DNAJC15: variants seen among roughly 807,000 people sequenced by gnomAD.
The protein encoded by DNAJC15 is DnaJ heat shock protein family (Hsp40) member C15.
Under a neutral mutation model 22.4 loss-of-function variants are expected in DNAJC15, and 27 were observed. That is an observed-to-expected ratio of 1.20 (90% CI 0.89 to 1.66). DNAJC15 has a LOEUF of 1.66. Among genes scored for constraint, DNAJC15 ranks in the 40% most tolerant of loss-of-function variants. DNAJC15 has a pLI of 0.00. For synonymous variants in DNAJC15, 79 were observed against 63.2 expected (o/e 1.25, Z -1.19); for missense variants, 208 against 187.1 (o/e 1.11, Z -0.65).
At chr13:43,062,506 T>C (rs185820389) in intron 1 of DNAJC15, among the ~76,000 whole-genome samples, 3 of 152,288 alleles carry the variant, frequency 2.0e-5, no homozygotes, top group Admixed American at 2.0e-4. Context: ...AACAGAGTGC[T>C]CAATACTTAT....
chr13:43,078,721 G>A, intron 4 of DNAJC15, 33 bp downstream of exon 4: 1 of 1,590,498 alleles, frequency 6.3e-7, no homozygotes. Flanking sequence ...GTTTTGTTGT[G>A]TGGCCAAGCT....
At chr13:43,056,997 T>C (rs970943749) in intron 1 of DNAJC15, among the ~76,000 whole-genome samples, 4 of 152,198 alleles carry the variant, frequency 2.6e-5, no homozygotes, top group South Asian at 2.1e-4. Context: ...TCTGATAGGT[T>C]TTCCTTTATA....
In DNAJC15 at chr13:43,107,556, C is replaced by CACAT; in HGVS notation, c.*308_*309insACAT. ...ACACACACACACACACACACACACA[C>CACAT]GTGCAAAAAATATGATCAAGAATGC... On this transcript the variant is annotated 3_prime_UTR_variant, in exon 6 of 6. Transcript: ENST00000379221. 1 of 171,454 alleles carries CACAT rather than the reference C, an allele frequency of 5.8e-6. No individual in the cohort carries two copies. Among genetic ancestry groups the CACAT allele is most frequent in the African/African-American group, 2.4e-5 (1 of 40,862 alleles). The allele number at this position is 171,454 out of a possible 1,614,324, so 10.6% of individuals were successfully genotyped here.
At chr13:43,076,026 A>C (rs889120987) in intron 3 of DNAJC15, among the ~76,000 whole-genome samples, 1 of 152,068 alleles carries the variant, frequency 6.6e-6, no homozygotes, top group African/African-American at 2.4e-5. Context: ...ATATATGTGC[A>C]TACTCTCTAT....
At chr13:43,047,524 C>T (rs979732296) in intron 1 of DNAJC15, among the ~76,000 whole-genome samples, 32 of 152,050 alleles carry the variant, frequency 2.1e-4, no homozygotes, top group Admixed American at 4.6e-4. Context: ...ATGTCTGTGA[C>T]GTTCACATAG....
intron 3 of DNAJC15, among the ~76,000 whole-genome samples, chr13:43,073,035 T>G (rs749484509): frequency 4.6e-5 from 7 of 152,250 alleles, no homozygotes; most frequent in Non-Finnish European, 7.3e-5. Flanking sequence ...TCAGTTGTTA[T>G]GTGTTCATAT....
intron 1 of DNAJC15, among the ~76,000 whole-genome samples, chr13:43,025,685 A>C (rs1287554146): frequency 2.0e-5 from 3 of 152,226 alleles, no homozygotes; most frequent in Non-Finnish European, 4.4e-5. Flanking sequence ...TGGGTGGATC[A>C]CTTGAGTCAG....
At chr13:43,082,755 A>C (rs986368679) in intron 4 of DNAJC15, among the ~76,000 whole-genome samples, 1 of 152,148 alleles carries the variant, frequency 6.6e-6, no homozygotes, top group Non-Finnish European at 1.5e-5. Context: ...ATTTTGTATT[A>C]TGTGCTCAAC....
At chr13:43,058,229 A>G (rs928197665) in intron 1 of DNAJC15, among the ~76,000 whole-genome samples, 1 of 152,180 alleles carries the variant, frequency 6.6e-6, no homozygotes, top group Non-Finnish European at 1.5e-5. Flanking sequence ...CAGGAGGTAG[A>G]GCTTTCAAGA....
intron 1 of DNAJC15, among the ~76,000 whole-genome samples, chr13:43,043,309 T>C (rs529047510): frequency 2.8e-4 from 42 of 152,188 alleles, no homozygotes; most frequent in African/African-American, 1.0e-3. Flanking sequence ...GGTTTCACCA[T>C]GTTGGCCAGA....
intron 1 of DNAJC15, among the ~76,000 whole-genome samples, chr13:43,063,034 A>G (rs1392311249): frequency 6.6e-6 from 1 of 151,494 alleles, no homozygotes; most frequent in Non-Finnish European, 1.5e-5. Context: ...TTTTTGAGAG[A>G]GTCTCTCATC....
intron 1 of DNAJC15, among the ~76,000 whole-genome samples, chr13:43,061,937 CAT>C (rs894951863): frequency 7.2e-4 from 110 of 152,346 alleles, no homozygotes; most frequent in African/African-American, 2.5e-3. Context: ...ATGTAGGACT[CAT>C]ATGATATAGA....
intron 1 of DNAJC15, among the ~76,000 whole-genome samples, chr13:43,045,794 A>G (rs886160064): frequency 6.6e-6 from 1 of 152,218 alleles, no homozygotes; most frequent in Non-Finnish European, 1.5e-5. Context: ...CACTCTCACC[A>G]TACAAACACA....
At chr13:43,071,744 A>C (rs546846311) in intron 3 of DNAJC15, among the ~76,000 whole-genome samples, 27 of 152,294 alleles carry the variant, frequency 1.8e-4, no homozygotes, top group African/African-American at 6.5e-4. Flanking sequence ...AAGATTGTCC[A>C]AGGCTCAAGT....
chr13:43,073,051 CT>C (rs1593322373), intron 3 of DNAJC15, among the ~76,000 whole-genome samples: 1 of 152,106 alleles, frequency 6.6e-6, no homozygotes, highest in African/African-American at 2.4e-5. Context: ...CATATTGGTT[CT>C]TTTTTTCCCC....
At position 43,108,842 on chromosome 13, in the gene DNAJC15, A is replaced by C. The variant is rs568028564; in HGVS notation, c.*1594A>C. The stretch of plus-strand genomic sequence containing the variant: ...TATTTTTTCTTTTGGTTTATAAAAT[A>C]ATGATCCTGAATTAAATTGATGGAA... On this transcript the variant is annotated 3_prime_UTR_variant, in exon 6 of 6. Transcript: ENST00000379221. 5.3e-5 allele frequency: 8 copies of C among 152,326 alleles called. No individual in the cohort carries two copies. Among genetic ancestry groups the C allele is most frequent in the African/African-American group, 1.9e-4 (8 of 41,568 alleles). The allele number at this position is 152,326 out of a possible 1,614,324, so 9.4% of individuals were successfully genotyped here. A position where few individuals can be genotyped will look rare whatever the true frequency, so the allele number is the denominator to read the frequency against.
intron 1 of DNAJC15, among the ~76,000 whole-genome samples, chr13:43,051,975 A>AT (rs2040506445): frequency 1.3e-5 from 2 of 151,602 alleles, no homozygotes. Context: ...TATTATTATT[A>AT]TTTTTTTGAG....
intron 1 of DNAJC15, among the ~76,000 whole-genome samples, chr13:43,036,898 T>A (rs980477656): frequency 6.6e-6 from 1 of 152,132 alleles, no homozygotes; most frequent in African/African-American, 2.4e-5. Flanking sequence ...CACCCTGGAG[T>A]GGATGCCGTG....
intron 1 of DNAJC15, among the ~76,000 whole-genome samples, chr13:43,027,440 A>G (rs2040385446): frequency 6.6e-6 from 1 of 152,154 alleles, no homozygotes; most frequent in East Asian, 1.9e-4. Context: ...ATAGTGTAAC[A>G]TGTAAAAAAA....
Sources: allele counts gnomAD v4.1 joint callset (sites outside exome capture counted in the v4.1 genomes callset), GRCh38; gene constraint gnomAD v4.1.1; transcripts MANE v1.5; gene names NCBI Gene and HGNC (gene_info 2026-07-23, HGNC 2026-07-21).